RGS6: variants seen among roughly 807,000 people sequenced by gnomAD.
RGS6 encodes the protein regulator of G-protein signaling 6.
Under a neutral mutation model 78.5 loss-of-function variants are expected in RGS6, and 30 were observed. The observed-to-expected ratio is 0.38, with a 90% CI of 0.29 to 0.52. The LOEUF (loss-of-function observed/expected upper bound fraction) is 0.52. Ranked by LOEUF, RGS6 falls within the 20% of genes least tolerant of loss-of-function variation. The pLI, the probability that RGS6 is intolerant of heterozygous loss-of-function variation, is 0.85. For synonymous variants in RGS6, 206 were observed against 206.0 expected (o/e 1.00, Z 0.00); for missense variants, 495 against 609.7 (o/e 0.81, Z 1.98).
intron 12 of RGS6, among the ~76,000 whole-genome samples, chr14:72,479,160 A>G (rs1389328689): frequency 6.6e-6 from 1 of 152,190 alleles, no homozygotes; most frequent in Non-Finnish European, 1.5e-5. Flanking sequence ...TGTGAGAGCC[A>G]TCTATAAGCC....
At chr14:72,383,213 T>TATATATATAC (rs1387301746) in intron 3 of RGS6, among the ~76,000 whole-genome samples, 3,492 of 117,592 alleles carry the variant, frequency 0.03, 211 homozygotes, top group South Asian at 0.05. Context: ...TATATATATA[T>TATATATATAC]ACACACAAAC....
chr14:72,477,562 A>C (rs546175008), intron 11 of RGS6, among the ~76,000 whole-genome samples: 78 of 152,170 alleles, frequency 5.1e-4, no homozygotes, highest in African/African-American at 1.9e-3. Context: ...TGTGAGGCTG[A>C]GGCAGGTGGA....
At chr14:72,127,915 C>T (rs916708125) in intron 2 of RGS6, among the ~76,000 whole-genome samples, 1 of 148,810 alleles carries the variant, frequency 6.7e-6, no homozygotes, top group Admixed American at 6.9e-5. Context: ...TAAATGGGAT[C>T]ATATAATATG....
intron 2 of RGS6, among the ~76,000 whole-genome samples, chr14:72,155,312 C>A (rs1054553292): frequency 6.6e-6 from 1 of 152,136 alleles, no homozygotes. Flanking sequence ...GAACAGTGGC[C>A]GAGGTTAACA....
chr14:72,347,797 G>A (rs2152716033), intron 2 of RGS6, among the ~76,000 whole-genome samples: 1 of 152,230 alleles, frequency 6.6e-6, no homozygotes, highest in African/African-American at 2.4e-5. Context: ...AACTACTAAG[G>A]CCATAGAGAA....
intron 3 of RGS6, among the ~76,000 whole-genome samples, chr14:72,447,837 G>A (rs183390271): frequency 6.6e-6 from 1 of 152,284 alleles, no homozygotes; most frequent in Admixed American, 6.5e-5. Flanking sequence ...CCAAGTAGCT[G>A]GGATTACAAG....
At chr14:72,052,647 CTTACTGAATTTTT>C (rs1465242508) in intron 2 of RGS6, among the ~76,000 whole-genome samples, 2 of 70,534 alleles carry the variant, frequency 2.8e-5, no homozygotes, top group African/African-American at 6.5e-5. Flanking sequence ...AGGAATTTTT[CTTACTGAATTTTT>C]TAATGCCACT....
chr14:72,431,648 G>T (rs1035384020), intron 3 of RGS6, among the ~76,000 whole-genome samples: 1 of 151,892 alleles, frequency 6.6e-6, no homozygotes, highest in Non-Finnish European at 1.5e-5. Context: ...GACATATATT[G>T]TATGGTACTG....
the RGS6 span, among the ~76,000 whole-genome samples, chr14:71,881,777 A>G: frequency 6.6e-6 from 1 of 152,214 alleles, no homozygotes; most frequent in African/African-American, 2.4e-5. Context: ...GACACAATGT[A>G]GGAGACAAAA....
intron 2 of RGS6, among the ~76,000 whole-genome samples, chr14:72,319,691 G>T (rs990464165): frequency 1.5e-4 from 23 of 152,176 alleles, no homozygotes; most frequent in African/African-American, 5.6e-4. Context: ...AGCAGCCAAA[G>T]TAAAATAGAC....
chr14:71,998,259 T>C (rs760846568), intron 2 of RGS6, among the ~76,000 whole-genome samples: 4 of 152,210 alleles, frequency 2.6e-5, no homozygotes, highest in Non-Finnish European at 5.9e-5. Context: ...CAATCAGATA[T>C]GCATCTATCT....
chr14:72,133,104 A>C (rs1267083594), intron 2 of RGS6, among the ~76,000 whole-genome samples: 1 of 152,146 alleles, frequency 6.6e-6, no homozygotes, highest in South Asian at 2.1e-4. Flanking sequence ...AAACATGTCC[A>C]TCTCTCATTG....
chr14:72,075,084 C>T (rs2094530530), intron 2 of RGS6, among the ~76,000 whole-genome samples: 1 of 152,188 alleles, frequency 6.6e-6, no homozygotes, highest in Admixed American at 6.6e-5. Flanking sequence ...CCTTTGCCTC[C>T]ATACTGGATG....
At chr14:72,194,356 A>G (rs2039487799) in intron 2 of RGS6, among the ~76,000 whole-genome samples, 1 of 152,180 alleles carries the variant, frequency 6.6e-6, no homozygotes, top group African/African-American at 2.4e-5. Flanking sequence ...TGTGGAACTT[A>G]CACTTTATTA....
At chr14:72,330,081 A>C (rs1434993382) in intron 2 of RGS6, among the ~76,000 whole-genome samples, 3 of 152,212 alleles carry the variant, frequency 2.0e-5, no homozygotes, top group Non-Finnish European at 4.4e-5. Context: ...TGAGGGACCG[A>C]GATTGTAGAA....
intron 3 of RGS6, among the ~76,000 whole-genome samples, chr14:72,406,084 A>G (rs950750524): frequency 2.0e-5 from 3 of 152,208 alleles, no homozygotes; most frequent in Non-Finnish European, 1.5e-5. Flanking sequence ...AAAGGCTCTT[A>G]GCTGCAAAAG....
rs1013518844 is a variant in RGS6, at chr14:72,276,573, G to A, written c.85-75522G>A. On this transcript the variant is annotated intron_variant, in intron 2 of 17. Coordinates refer to ENST00000553525, the MANE Select transcript of RGS6 (RefSeq NM_001204424.2). The stretch of plus-strand genomic sequence containing the variant: ...AGCTCCCATAATTCCCATGTGTGGT[G>A]GGAGGGACCTGGTGGGAGATAATTG... Among the ~76,000 whole-genome samples the A allele has an allele frequency of 1.2e-4, 18 of 152,284 alleles. No individual in the cohort carries two copies. The East Asian group carries it at 2.1e-3, about 18-fold the overall frequency.
chr14:72,149,276 A>G (rs75993607), intron 2 of RGS6, among the ~76,000 whole-genome samples: 2,270 of 152,306 alleles, frequency 0.015, 50 homozygotes, highest in African/African-American at 0.051. Context: ...GAAGTCATCT[A>G]GCATCACTTC....
At chr14:72,051,404 G>A (rs368544510) in intron 2 of RGS6, among the ~76,000 whole-genome samples, 39 of 152,010 alleles carry the variant, frequency 2.6e-4, no homozygotes, top group African/African-American at 8.0e-4. Context: ...GGTTCTTTAC[G>A]TATGGAAAAT....
Sources: gnomAD v4.1 joint callset for allele counts (sites outside exome capture counted in the v4.1 genomes callset) on GRCh38, gnomAD v4.1.1 for gene constraint, MANE v1.5 for transcripts, NCBI Gene and HGNC (gene_info 2026-07-23, HGNC 2026-07-21) for gene names.